Variants in SLC22A16 observed in about 807,000 individuals in gnomAD.
The protein encoded by SLC22A16 is solute carrier family 22 member 16.
A neutral mutation model predicts 52.9 loss-of-function variants in SLC22A16; 53 were observed. The observed-to-expected ratio is 1.00, with a 90% CI of 0.80 to 1.26. SLC22A16 has a LOEUF of 1.26. Among genes scored for constraint, SLC22A16 ranks in the 50% most tolerant of loss-of-function variants. The probability of loss-of-function intolerance (pLI) is 0.00; values close to 1 mark genes in which losing one functional copy is unlikely to be tolerated. For missense variants in SLC22A16, 726 were observed against 704.0 expected, an observed-to-expected ratio of 1.03 and a Z score of -0.35; for synonymous variants, 291 against 268.8, an observed-to-expected ratio of 1.08 and a Z score of -0.81.
intron 1 of SLC22A16, among the ~76,000 whole-genome samples, chr6:110,468,429 G>A (rs939984315): frequency 6.6e-6 from 1 of 152,136 alleles, no homozygotes; most frequent in African/African-American, 2.4e-5. Context: ...TGGATTACCT[G>A]AGGTTGGGAG....
At chr6:110,435,176 A>G (rs1463616097) in intron 6 of SLC22A16, among the ~76,000 whole-genome samples, 2 of 152,172 alleles carry the variant, frequency 1.3e-5, no homozygotes, top group Non-Finnish European at 2.9e-5. Context: ...CCAAAGTTCA[A>G]GTGTTGAAGT....
At position 110,456,815 on chromosome 6, in the gene SLC22A16, C is replaced by G; in HGVS notation, c.256G>C (p.Val86Leu). 6.2e-7 allele frequency: 1 copy of G among 1,614,200 alleles called. No individual in the cohort carries two copies. Among genetic ancestry groups the G allele is most frequent in the South Asian group, 1.1e-5 (1 of 91,088 alleles). The change falls in exon 2 of 8, where the codon GTT (valine) becomes CTT (leucine). Residue 86 changes from valine (V) to leucine (L), a missense_variant. Physicochemically the swap from Val to Leu is conservative, Grantham distance 32. Coordinates refer to ENST00000368919, the MANE Select transcript of SLC22A16 (RefSeq NM_033125.4). ...ALLSSGQKDY[V>L]TVQLQNGEIW... ...TCACCATTCTGCAACTGCACCGTAACATAATCTTTCTGGCCTGAAGACAAC... is the reference window on the plus strand; with the variant it reads ...TCACCATTCTGCAACTGCACCGTAAGATAATCTTTCTGGCCTGAAGACAAC...
chr6:110,449,291 C>T (rs1465512034), intron 2 of SLC22A16, among the ~76,000 whole-genome samples: 3 of 151,846 alleles, frequency 2.0e-5, no homozygotes, highest in Non-Finnish European at 2.9e-5. Context: ...TCCCTGATGA[C>T]CCGCCTGCCT....
chr6:110,456,123 G>T, intron 2 of SLC22A16: 1 of 170,400 alleles, frequency 5.9e-6, no homozygotes, highest in Non-Finnish European at 1.3e-5. Flanking sequence ...CTATTAAAAA[G>T]CAAGTCTATT....
chr6:110,454,677 T>G (rs1335079721), intron 2 of SLC22A16, among the ~76,000 whole-genome samples: 1 of 72,358 alleles, frequency 1.4e-5, no homozygotes, highest in Non-Finnish European at 2.3e-5. Flanking sequence ...TTATATATAT[T>G]ATATATTTTA....
chr6:110,449,932 T>C (rs1166690506), intron 2 of SLC22A16, among the ~76,000 whole-genome samples: 3 of 152,238 alleles, frequency 2.0e-5, no homozygotes, highest in Non-Finnish European at 2.9e-5. Context: ...TGCCCTTCTC[T>C]ACTTCTGCCA....
At chr6:110,427,660 C>T (rs3818099) in intron 7 of SLC22A16, among the ~76,000 whole-genome samples, 8,772 of 152,168 alleles carry the variant, frequency 0.058, 528 homozygotes, top group African/African-American at 0.15. Flanking sequence ...CCACCACGCT[C>T]GGCTAATATT....
At chr6:110,439,326 CTA>C (rs1442530339) in intron 4 of SLC22A16, among the ~76,000 whole-genome samples, 1 of 152,152 alleles carries the variant, frequency 6.6e-6, no homozygotes, top group African/African-American at 2.4e-5. Flanking sequence ...AAGTAAAAAA[CTA>C]TGTCATGAAG....
chr6:110,471,280 G>A (rs957736707), intron 1 of SLC22A16, among the ~76,000 whole-genome samples: 3 of 152,156 alleles, frequency 2.0e-5, no homozygotes, highest in African/African-American at 7.2e-5. Context: ...AGGAGCAGTG[G>A]GCTATACCAT....
intron 1 of SLC22A16, among the ~76,000 whole-genome samples, chr6:110,462,887 C>T (rs1360163559): frequency 1.3e-5 from 2 of 151,796 alleles, no homozygotes; most frequent in Non-Finnish European, 2.9e-5. Flanking sequence ...AGTGTCAGAT[C>T]GCCTATAAAA....
chr6:110,476,489 C>T lies in SLC22A16; in HGVS notation c.53+33G>A, dbSNP rs1249859171. 4 of 1,410,774 alleles carry T rather than the reference C, an allele frequency of 2.8e-6. 1 individual carries two copies. Among genetic ancestry groups the T allele is most frequent in the Admixed American group, 6.2e-5 (2 of 32,134 alleles). 87.4% of individuals were successfully genotyped at this position (1,410,774 alleles called of 1,614,324 possible). A position where few individuals can be genotyped will look rare whatever the true frequency, so the allele number is the denominator to read the frequency against. ...AGAAACAGACCCCTCGGCGCCGCCT[C>T]CCGCGTGGCGCCGCGGGGCCCCTCC... On this transcript the variant is annotated intron_variant, in intron 1 of 7. Transcript: ENST00000368919.
intron 3 of SLC22A16, among the ~76,000 whole-genome samples, chr6:110,444,473 C>T (rs1249464528): frequency 2.0e-5 from 3 of 152,168 alleles, no homozygotes; most frequent in Non-Finnish European, 4.4e-5. Context: ...TTAATTTCTT[C>T]AAAAGTTAAC....
chr6:110,466,770 C>T (rs1582588036), intron 1 of SLC22A16, among the ~76,000 whole-genome samples: 1 of 152,298 alleles, frequency 6.6e-6, no homozygotes, highest in East Asian at 1.9e-4. Context: ...AATCCCACTA[C>T]TGGGTATTTA....
chr6:110,457,248 C>G (rs529114894), intron 1 of SLC22A16, among the ~76,000 whole-genome samples: 112 of 152,278 alleles, frequency 7.4e-4, no homozygotes, highest in Non-Finnish European at 1.4e-3. Context: ...GCAAGCACAC[C>G]CATTGCCCAG....
At chr6:110,458,026 C>T (rs929436542) in intron 1 of SLC22A16, among the ~76,000 whole-genome samples, 2 of 152,212 alleles carry the variant, frequency 1.3e-5, no homozygotes, top group African/African-American at 4.8e-5. Context: ...AGTGGTCACG[C>T]TCCTGGTCTG....
chr6:110,441,831 T>C (rs1774978545), intron 4 of SLC22A16, among the ~76,000 whole-genome samples: 1 of 152,200 alleles, frequency 6.6e-6, no homozygotes, highest in Non-Finnish European at 1.5e-5. Context: ...TGTTTCCTAA[T>C]CTTAAAAAGT....
At position 110,456,655 on chromosome 6, in the gene SLC22A16, G is replaced by A. The variant is rs777076322; in HGVS notation, c.416C>T (p.Thr139Ile). The A allele has an allele frequency of 6.2e-7, 1 of 1,614,178 alleles. No individual in the cohort carries two copies. The highest frequency in any genetic ancestry group is 1.7e-5 in the Admixed American group (1 of 60,018). Residue 139 changes from threonine (T) to isoleucine (I), a missense_variant, in exon 2 of 8, where the codon ACT becomes ATT. Physicochemically the swap from Thr to Ile is moderately conservative, Grantham distance 89. Transcript: ENST00000368919. ...YIYDQNTWKS[T>I]AVTQWNLVCD... ...GACCAGGTTCCACTGGGTCACCGCA[G>A]TGCTTTTCCATGTGTTCTGGTCATA...
Position 110,452,247 on chromosome 6 carries a change from A to G in SLC22A16, c.533+4291T>C, listed in dbSNP as rs547423921. Reference sequence around the variant, plus strand: ...CATATTTTTAGGTTTCTGCAATGACATTTTTAAAATTTATATATTTGTTAC... The same window carrying G: ...CATATTTTTAGGTTTCTGCAATGACGTTTTTAAAATTTATATATTTGTTAC... On this transcript the variant is annotated intron_variant, in intron 2 of 7. Transcript: ENST00000368919. Among the ~76,000 whole-genome samples the G allele has an allele frequency of 1.3e-4, 20 of 152,314 alleles. No homozygotes were observed. The East Asian group carries it at 3.5e-3, about 26-fold the overall frequency.
chr6:110,454,530 C>T (rs1775507125), intron 2 of SLC22A16, among the ~76,000 whole-genome samples: 1 of 127,042 alleles, frequency 7.9e-6, no homozygotes, highest in Non-Finnish European at 1.6e-5. Flanking sequence ...TATTCCTTTA[C>T]TTTCTTAATA....
Sources: allele counts gnomAD v4.1 joint callset (sites outside exome capture counted in the v4.1 genomes callset), GRCh38; gene constraint gnomAD v4.1.1; transcripts MANE v1.5; gene names NCBI Gene and HGNC (gene_info 2026-07-23, HGNC 2026-07-21).